Variants in STAB2 observed in about 807,000 individuals in gnomAD.
STAB2 encodes the protein stabilin-2.
A neutral mutation model predicts 338.1 loss-of-function variants in STAB2; 288 were observed. That is an observed-to-expected ratio of 0.85 (90% CI 0.77 to 0.94). The LOEUF (loss-of-function observed/expected upper bound fraction) is 0.94, where lower values mean the gene tolerates loss of function less well. Among genes scored for constraint, STAB2 ranks in the 40% least tolerant of loss-of-function variants. The pLI, the probability that STAB2 is intolerant of heterozygous loss-of-function variation, is 0.00. For missense variants in STAB2, 3,141 were observed against 3,210.1 expected (o/e 0.98, Z 0.52); for synonymous variants, 1,202 against 1,193.3 (o/e 1.01, Z -0.15).
At chr12:103,744,782 C>A (rs1216244855) in intron 56 of STAB2, among the ~76,000 whole-genome samples, 5 of 152,118 alleles carry the variant, frequency 3.3e-5, no homozygotes, top group African/African-American at 1.2e-4. Flanking sequence ...CAAAATTTTA[C>A]TTTTAAATAG....
At chr12:103,679,225 G>A (rs549884571) in intron 25 of STAB2, among the ~76,000 whole-genome samples, 12 of 152,130 alleles carry the variant, frequency 7.9e-5, no homozygotes, top group African/African-American at 2.9e-4. Flanking sequence ...AAAATTAGTC[G>A]GGCATTGTGG....
In STAB2 at chr12:103,666,153, G is replaced by C. The variant is rs1389994301; in HGVS notation, c.2023-138G>C. 6.7e-6 allele frequency: 5 copies of C among 748,648 alleles called. No homozygotes were observed. The South Asian group carries it at 6.9e-5, about 10-fold the overall frequency. The allele number at this position is 748,648 out of a possible 1,614,324, so 46.4% of individuals were successfully genotyped here. A position where few individuals can be genotyped will look rare whatever the true frequency, so the allele number is the denominator to read the frequency against. On this transcript the variant is annotated intron_variant, in intron 18 of 68. Transcript: ENST00000388887. ...CCCACGGTGGAGTCGGTGTGGGGAGGGGGTGGGTAGAGAGGCCAGGATCAT... is the reference window on the plus strand; with the variant it reads ...CCCACGGTGGAGTCGGTGTGGGGAGCGGGTGGGTAGAGAGGCCAGGATCAT...
intron 68 of STAB2, chr12:103,763,940 T>C (rs1884726982): frequency 1.0e-5 from 2 of 195,584 alleles, no homozygotes; most frequent in African/African-American, 2.3e-5. Flanking sequence ...ATTTATGAGG[T>C]AGCAGGTGCA....
chr12:103,737,606 C>CTTTTT (rs761241523), intron 52 of STAB2, 28 bp from the exon 53 acceptor site: 25 of 996,998 alleles, frequency 2.5e-5, no homozygotes, highest in East Asian at 1.5e-4. Context: ...CTCTCTTTCT[C>CTTTTT]TTTTTTTTTT....
chr12:103,661,718 G>T (rs1028048191), intron 17 of STAB2, among the ~76,000 whole-genome samples: 3 of 152,154 alleles, frequency 2.0e-5, no homozygotes, highest in African/African-American at 7.2e-5. Context: ...GGAATTAGGG[G>T]AACAAACAGT....
rs1453876957 is a variant in STAB2 at position 103,588,524 on chromosome 12, CATT to C, written c.81+970_81+972del. 1.3e-4 allele frequency among the ~76,000 whole-genome samples: 20 copies of C among 152,266 alleles called. No homozygotes were observed. In the East Asian group the frequency reaches 2.3e-3, roughly 18 times the overall value. ...TCTTAATCACCATCATCATCATCAT[CATT>C]ATCACCAAGTGTTTGCATTCACACA... On this transcript the variant is annotated intron_variant, in intron 1 of 68. Coordinates refer to ENST00000388887, the MANE Select transcript of STAB2 (RefSeq NM_017564.10).
chr12:103,601,071 G>A (rs1956947014), intron 3 of STAB2, among the ~76,000 whole-genome samples: 1 of 152,186 alleles, frequency 6.6e-6, no homozygotes, highest in African/African-American at 2.4e-5. Context: ...GAGCTGAATG[G>A]GAATCCTTAT....
intron 5 of STAB2, among the ~76,000 whole-genome samples, chr12:103,628,248 T>C (rs1311169113): frequency 6.6e-6 from 1 of 152,254 alleles, no homozygotes; most frequent in Non-Finnish European, 1.5e-5. Flanking sequence ...CATTTTTTCA[T>C]GTGTGATACA....
chr12:103,729,406 C>CT (rs1167668505), intron 48 of STAB2, among the ~76,000 whole-genome samples: 1 of 152,070 alleles, frequency 6.6e-6, no homozygotes, highest in Non-Finnish European at 1.5e-5. Context: ...TCCTCTTTCT[C>CT]TTTTTTTCCT....
At chr12:103,657,226 T>TA (rs140834161) in intron 15 of STAB2, among the ~76,000 whole-genome samples, 6,816 of 116,308 alleles carry the variant, frequency 0.059, 216 homozygotes, top group African/African-American at 0.093. Context: ...TAAAGTGAGC[T>TA]AAAAAAAAAA....
intron 12 of STAB2, among the ~76,000 whole-genome samples, chr12:103,653,721 T>TGGATGGAA (rs1873943070): frequency 5.4e-5 from 8 of 148,710 alleles, no homozygotes; most frequent in Admixed American, 5.3e-4. Context: ...GATGGATGGA[T>TGGATGGAA]GGATGGATGG....
At chr12:103,594,337 AC>A in intron 2 of STAB2, 57 bp from the exon 3 acceptor site, 1 of 1,305,266 alleles carries the variant, frequency 7.7e-7, no homozygotes, top group South Asian at 1.2e-5. Context: ...CAATTCTACC[AC>A]CTAGAGTAAC....
rs1957091574 is a variant in STAB2, at chr12:103,609,734, A to G, written c.332-10734A>G. ...AACTTCCAACACTATGTTGAATAGG[A>G]GTGGTGAGAGAGGACATCCCTGTCT... is the stretch of plus-strand genomic sequence containing the variant. On this transcript the variant is annotated intron_variant, in intron 3 of 68. Coordinates refer to ENST00000388887, the MANE Select transcript of STAB2 (RefSeq NM_017564.10). Among the ~76,000 whole-genome samples the G allele has an allele frequency of 1.3e-5, 2 of 152,006 alleles. 1 individual carries two copies. The highest frequency in any genetic ancestry group is 6.3e-3 in the Middle Eastern group (2 of 316).
intron 1 of STAB2, among the ~76,000 whole-genome samples, chr12:103,589,884 A>T (rs971628189): frequency 6.6e-6 from 1 of 152,198 alleles, no homozygotes; most frequent in Non-Finnish European, 1.5e-5. Flanking sequence ...TAAAGGTCTC[A>T]ATAACCTCAA....
At position 103,587,447 on chromosome 12, in the gene STAB2, T is replaced by C; in HGVS notation, c.-30T>C. ...ATAGCTAAGTCAGCCTGACAGGTGCTTGGCACAGAGAAGGAGCAAATATTT... is the reference window on the plus strand; with the variant it reads ...ATAGCTAAGTCAGCCTGACAGGTGCCTGGCACAGAGAAGGAGCAAATATTT... On this transcript the variant is annotated 5_prime_UTR_variant, in exon 1 of 69. Coordinates refer to ENST00000388887, the MANE Select transcript of STAB2 (RefSeq NM_017564.10). 1 of 1,591,956 alleles carries C rather than the reference T, an allele frequency of 6.3e-7. No individual in the cohort carries two copies. The highest frequency in any genetic ancestry group is 1.1e-5 in the South Asian group (1 of 89,602).
At chr12:103,735,346 A>T in intron 51 of STAB2, 145 bp from the exon 52 acceptor site, 1 of 537,472 alleles carries the variant, frequency 1.9e-6, no homozygotes. Context: ...CCCATTGGTT[A>T]TACCTACGGT....
chr12:103,660,375 A>AT lies in STAB2; in HGVS notation c.1782dup (p.Thr595TyrfsTer4), dbSNP rs1565991890. The AT allele has an allele frequency of 5.0e-6, 8 of 1,614,122 alleles. No homozygotes were observed. The highest frequency in any genetic ancestry group is 6.8e-6 in the Non-Finnish European group (8 of 1,180,020). On this transcript the variant is annotated frameshift_variant, in exon 16 of 69. Coordinates refer to ENST00000388887, the MANE Select transcript of STAB2 (RefSeq NM_017564.10). LOFTEE classifies it high-confidence loss of function. ...AACTCGTCAGATACCACATTGTCCC[A>AT]TTTACCCAGGTTGGCCCCACTTTTC...
intron 34 of STAB2, 61 bp downstream of exon 34, chr12:103,699,288 G>A: frequency 6.4e-7 from 1 of 1,556,762 alleles, no homozygotes; most frequent in South Asian, 1.2e-5. Flanking sequence ...GGGAGAGTAT[G>A]AGGAATGAGT....
intron 5 of STAB2, among the ~76,000 whole-genome samples, chr12:103,627,761 G>A (rs556661335): frequency 6.6e-6 from 1 of 152,348 alleles, no homozygotes; most frequent in East Asian, 1.9e-4. Context: ...TAGTGACAAG[G>A]ACAACACTTG....
Sources: allele counts gnomAD v4.1 joint callset (sites outside exome capture counted in the v4.1 genomes callset), GRCh38; gene constraint gnomAD v4.1.1; transcripts MANE v1.5; gene names NCBI Gene and HGNC (gene_info 2026-07-23, HGNC 2026-07-21).